MRPL35: variants seen among roughly 807,000 people sequenced by gnomAD.
The protein encoded by MRPL35 is large ribosomal subunit protein bL35m.
A neutral mutation model predicts 21.6 loss-of-function variants in MRPL35; 18 were observed. The observed-to-expected ratio is 0.83, with a 90% CI of 0.58 to 1.24. The LOEUF is 1.24. MRPL35 is among the 50% of genes most tolerant of loss of function. The pLI, the probability that MRPL35 is intolerant of heterozygous loss-of-function variation, is 0.00. For missense variants in MRPL35, 223 were observed against 223.2 expected, an observed-to-expected ratio of 1.00 and a Z score of 0.01; for synonymous variants, 87 against 86.9, an observed-to-expected ratio of 1.00 and a Z score of -0.01.
At chr2:86,207,706 G>A (rs1430461131) in intron 3 of MRPL35, among the ~76,000 whole-genome samples, 1 of 152,152 alleles carries the variant, frequency 6.6e-6, no homozygotes, top group African/African-American at 2.4e-5. Flanking sequence ...AGGCACTGTA[G>A]CTCATGCCTG....
chr2:86,212,840 C>T lies in MRPL35; in HGVS notation c.*2172C>T, dbSNP rs1673935282. The T allele has an allele frequency of 1.0e-6, 1 of 970,694 alleles. No individual in the cohort carries two copies. The highest frequency in any genetic ancestry group is 1.0e-4 in the East Asian group (1 of 9,728). The allele number at this position is 970,694 out of a possible 1,614,324, so 60.1% of individuals were successfully genotyped here. A position where few individuals can be genotyped will look rare whatever the true frequency, so the allele number is the denominator to read the frequency against. On this transcript the variant is annotated 3_prime_UTR_variant, in exon 4 of 4. Coordinates refer to ENST00000337109, the MANE Select transcript of MRPL35 (RefSeq NM_016622.4). Reference sequence around the variant, plus strand: ...AAATGTCTTTCATTAAAGAGTTTACCTAAATGATGTTCGATTATATGTATA... The same window carrying T: ...AAATGTCTTTCATTAAAGAGTTTACTTAAATGATGTTCGATTATATGTATA...
At chr2:86,204,480 G>T in intron 1 of MRPL35, among the ~76,000 whole-genome samples, 1 of 145,984 alleles carries the variant, frequency 6.9e-6, no homozygotes. Context: ...AAGTTCTGAG[G>T]ACATTTTCAT....
At chr2:86,207,371 C>T (rs985857014) in intron 3 of MRPL35, 44 bp downstream of exon 3, 3 of 1,588,148 alleles carry the variant, frequency 1.9e-6, no homozygotes, top group South Asian at 1.1e-5. Flanking sequence ...GAATGTGAGG[C>T]CGGGCGTGGT....
chr2:86,205,248 T>C (rs566216250), intron 1 of MRPL35, among the ~76,000 whole-genome samples: 9 of 152,272 alleles, frequency 5.9e-5, no homozygotes, highest in Admixed American at 5.9e-4. Flanking sequence ...TAAAAACATA[T>C]ATCCTGCATG....
chr2:86,202,880 G>A (rs1258554314), intron 1 of MRPL35, among the ~76,000 whole-genome samples: 4 of 151,812 alleles, frequency 2.6e-5, no homozygotes, highest in Non-Finnish European at 4.4e-5. Context: ...TAGTAGAGAC[G>A]GGGTTTCACA....
At chr2:86,200,682 CT>C (rs35668584) in intron 1 of MRPL35, among the ~76,000 whole-genome samples, 1,494 of 145,292 alleles carry the variant, frequency 0.01, 59 homozygotes, top group Admixed American at 0.071. Flanking sequence ...CTATATAATT[CT>C]TTTTTTTTTT....
intron 1 of MRPL35, among the ~76,000 whole-genome samples, chr2:86,204,792 T>C (rs556071723): frequency 4.0e-4 from 61 of 152,252 alleles, no homozygotes; most frequent in Non-Finnish European, 7.6e-4. Flanking sequence ...ACATGTACAG[T>C]TGACCCTGGA....
Position 86,206,266 on chromosome 2 carries a change from A to G in MRPL35, c.204A>G (p.Thr68=), listed in dbSNP as rs1673787761. The G allele has an allele frequency of 1.1e-5, 17 of 1,613,516 alleles. No homozygotes were observed. Among genetic ancestry groups the G allele is most frequent in the Non-Finnish European group, 1.4e-5 (16 of 1,179,632 alleles). ...TTACCACATCTGAGAGAAACCTGAC[A>G]TGTGGGCATACCTCAGTGATCCTTA... is the stretch of plus-strand genomic sequence containing the variant. ...PRLTTSERNL[T]CGHTSVILNR... Residue 68 remains threonine (T), a synonymous_variant, in exon 2 of 4, where the codon ACA becomes ACG. Coordinates refer to ENST00000337109, the MANE Select transcript of MRPL35 (RefSeq NM_016622.4).
At position 86,211,706 on chromosome 2, in the gene MRPL35, T is replaced by TG; in HGVS notation, c.*1039dup. 1.0e-6 allele frequency: 1 copy of TG among 984,848 alleles called. No individual in the cohort carries two copies. The highest frequency in any genetic ancestry group is 1.2e-6 in the Non-Finnish European group (1 of 829,402). 61.0% of individuals were successfully genotyped at this position (984,848 alleles called of 1,614,324 possible). Reference sequence around the variant, plus strand: ...TCTAGAGACAGGAGTTTTGCTCTGTTGCCCAGGCTGGAGTGCAGTGGTGCA... The same window carrying TG: ...TCTAGAGACAGGAGTTTTGCTCTGTTGGCCCAGGCTGGAGTGCAGTGGTGCA... On this transcript the variant is annotated 3_prime_UTR_variant, in exon 4 of 4. Coordinates refer to ENST00000337109, the MANE Select transcript of MRPL35 (RefSeq NM_016622.4).
rs982480071 is a variant in MRPL35 at position 86,210,615 on chromosome 2, T to C, written c.514T>C (p.Tyr172His). Residue 172 changes from tyrosine to histidine, a missense_variant, in exon 4 of 4, where the codon TAC (tyrosine) becomes CAC (histidine). Transcript: ENST00000337109. ...TTSFWKRRNW[Y>H]VDDPYQKYHD... ...GTCCTTCTGGAAGAGGCGAAACTGG[T>C]ACGTTGATGATCCTTATCAGAAGTA... The C allele has an allele frequency of 8.7e-6, 14 of 1,613,976 alleles. No homozygotes were observed. The highest frequency in any genetic ancestry group is 1.2e-5 in the Non-Finnish European group (14 of 1,179,852).
intron 2 of MRPL35, among the ~76,000 whole-genome samples, chr2:86,206,701 A>G (rs1024082413): frequency 4.6e-5 from 7 of 152,164 alleles, no homozygotes; most frequent in Non-Finnish European, 8.8e-5. Context: ...TGCCAAACAC[A>G]GCATGCTTCT....
At position 86,210,528 on chromosome 2, in the gene MRPL35, C is replaced by G; in HGVS notation, c.427C>G (p.Arg143Gly). The G allele has an allele frequency of 6.2e-7, 1 of 1,612,162 alleles. No homozygotes were observed. Among genetic ancestry groups the G allele is most frequent in the Non-Finnish European group, 8.5e-7 (1 of 1,179,254 alleles). Residue 143 changes from arginine (R) to glycine (G), a missense_variant, in exon 4 of 4, where the codon CGA (arginine) becomes GGA (glycine). Coordinates refer to ENST00000337109, the MANE Select transcript of MRPL35 (RefSeq NM_016622.4). ...GAAAAAGACACCTGCAAGGAAGAAG[C>G]GATTGAGGGAATTTGTATTCTGCAA... is the stretch of plus-strand genomic sequence containing the variant. ...LWKKTPARKKRLREFVFCNKT... is the reference protein window; with the variant it reads ...LWKKTPARKKGLREFVFCNKT...
At chr2:86,207,867 A>G (rs1439398925) in intron 3 of MRPL35, among the ~76,000 whole-genome samples, 1 of 152,216 alleles carries the variant, frequency 6.6e-6, no homozygotes, top group Non-Finnish European at 1.5e-5. Context: ...AGATCACGCC[A>G]CTGCACTCCA....
chr2:86,213,776 A>G lies in MRPL35; in HGVS notation c.*3108A>G. ...GATGATTTTTTTAAATGTGAAATAA[A>G]CAGTGATACTTTCAGGTTTGTAGTT... On this transcript the variant is annotated 3_prime_UTR_variant, in exon 4 of 4. Transcript: ENST00000337109. 1 of 1,209,720 alleles carries G rather than the reference A, an allele frequency of 8.3e-7. No homozygotes were observed. Among genetic ancestry groups the G allele is most frequent in the Non-Finnish European group, 1.2e-6 (1 of 856,560 alleles). 74.9% of individuals were successfully genotyped at this position (1,209,720 alleles called of 1,614,324 possible).
intron 3 of MRPL35, among the ~76,000 whole-genome samples, chr2:86,209,703 C>A (rs530341138): frequency 1.3e-5 from 2 of 152,294 alleles, no homozygotes; most frequent in East Asian, 3.9e-4. Flanking sequence ...GAGAACTGTG[C>A]TTCTCAGCTC....
Position 86,210,540 on chromosome 2 carries a change from T to C in MRPL35, c.439T>C (p.Phe147Leu), listed in dbSNP as rs1438184257. ...TGCAAGGAAGAAGCGATTGAGGGAA[T>C]TTGTATTCTGCAATAAAACCCAGAG... is the stretch of plus-strand genomic sequence containing the variant. The part of the protein sequence containing the change: ...TPARKKRLRE[F>L]VFCNKTQSKL... Residue 147 changes from phenylalanine (F) to leucine (L), a missense_variant, in exon 4 of 4, where the codon TTT becomes CTT. Phe to Leu is a conservative substitution (Grantham distance 22, BLOSUM62 0). Coordinates refer to ENST00000337109, the MANE Select transcript of MRPL35 (RefSeq NM_016622.4). The C allele has an allele frequency of 6.2e-7, 1 of 1,613,690 alleles. No individual in the cohort carries two copies.
At chr2:86,203,585 A>G (rs1016419870) in intron 1 of MRPL35, among the ~76,000 whole-genome samples, 1 of 152,232 alleles carries the variant, frequency 6.6e-6, no homozygotes, top group East Asian at 1.9e-4. Context: ...TAAAAAATCT[A>G]AAATACTTCT....
chr2:86,212,549 T>C lies in MRPL35; in HGVS notation c.*1881T>C. The C allele has an allele frequency of 6.3e-7, 1 of 1,583,594 alleles. No individual in the cohort carries two copies. The highest frequency in any genetic ancestry group is 1.4e-5 in the African/African-American group (1 of 73,654). On this transcript the variant is annotated 3_prime_UTR_variant, in exon 4 of 4. Coordinates refer to ENST00000337109, the MANE Select transcript of MRPL35 (RefSeq NM_016622.4). ...TGCAGAAGTTGGGGAGAAGGATACT[T>C]TTGCACAGCCTCCATGATGTCTTTA... is the stretch of plus-strand genomic sequence containing the variant.
At chr2:86,200,085 G>A (rs1421789036) in intron 1 of MRPL35, among the ~76,000 whole-genome samples, 3 of 152,136 alleles carry the variant, frequency 2.0e-5, no homozygotes, top group African/African-American at 7.2e-5. Flanking sequence ...GATAGCAGAA[G>A]TAAAGGCGAC....
Sources: allele counts gnomAD v4.1 joint callset (sites outside exome capture counted in the v4.1 genomes callset), GRCh38; gene constraint gnomAD v4.1.1; transcripts MANE v1.5; gene names NCBI Gene and HGNC (gene_info 2026-07-23, HGNC 2026-07-21).